CNTNAP2: variants seen among roughly 807,000 people sequenced by gnomAD.
The protein encoded by CNTNAP2 is contactin-associated protein-like 2.
Under a neutral mutation model 155.2 loss-of-function variants are expected in CNTNAP2, and 98 were observed. That is an observed-to-expected ratio of 0.63 (90% CI 0.54 to 0.75). CNTNAP2 has a LOEUF of 0.75. Among genes scored for constraint, CNTNAP2 ranks in the 30% least tolerant of loss-of-function variants. CNTNAP2 has a pLI of 0.00. For synonymous variants in CNTNAP2, 651 were observed against 631.2 expected (o/e 1.03, Z -0.47); for missense variants, 1,727 against 1,688.1 (o/e 1.02, Z -0.40).
chr7:147,163,823 A>AT (rs2116459985), intron 8 of CNTNAP2, among the ~76,000 whole-genome samples: 1 of 152,092 alleles, frequency 6.6e-6, no homozygotes, highest in Admixed American at 6.6e-5. Flanking sequence ...CCCTTTTCCC[A>AT]TTTTCTACAT....
At chr7:146,621,591 ATGAT>A (rs1405001489) in intron 1 of CNTNAP2, among the ~76,000 whole-genome samples, 1 of 152,102 alleles carries the variant, frequency 6.6e-6, no homozygotes, top group East Asian at 1.9e-4. Flanking sequence ...TGTTTTTCTC[ATGAT>A]TAGACTGGCA....
intron 13 of CNTNAP2, among the ~76,000 whole-genome samples, chr7:147,703,429 A>G (rs1796264565): frequency 6.6e-6 from 1 of 152,216 alleles, no homozygotes; most frequent in Non-Finnish European, 1.5e-5. Flanking sequence ...CATTTACTGA[A>G]AGGCAATTTC....
intron 3 of CNTNAP2, among the ~76,000 whole-genome samples, chr7:146,986,548 G>A (rs1242933918): frequency 1.3e-5 from 2 of 152,176 alleles, no homozygotes; most frequent in Non-Finnish European, 2.9e-5. Flanking sequence ...TCAAATGGTA[G>A]TTCTACTTTT....
chr7:146,389,703 C>CTTTTTTTTTTTTTTTTTTTTT (rs750823074), intron 1 of CNTNAP2, among the ~76,000 whole-genome samples: 1 of 129,018 alleles, frequency 7.8e-6, no homozygotes, highest in African/African-American at 2.9e-5. Flanking sequence ...TTTCTTTTTT[C>CTTTTTTTTTTTTTTTTTTTTT]TTTTTTTTTT....
intron 3 of CNTNAP2, among the ~76,000 whole-genome samples, chr7:147,027,533 A>G (rs1349596739): frequency 6.6e-6 from 1 of 152,258 alleles, no homozygotes; most frequent in East Asian, 1.9e-4. Flanking sequence ...TTATTATTTC[A>G]ACTTATTGAG....
intron 11 of CNTNAP2, among the ~76,000 whole-genome samples, chr7:147,527,274 C>T (rs889026582): frequency 3.9e-5 from 6 of 152,022 alleles, no homozygotes; most frequent in Admixed American, 2.6e-4. Context: ...CCGCCCACCT[C>T]GGCCTCCCAC....
intron 8 of CNTNAP2, among the ~76,000 whole-genome samples, chr7:147,247,936 A>C (rs924836280): frequency 4.6e-5 from 7 of 152,150 alleles, no homozygotes; most frequent in Admixed American, 4.6e-4. Context: ...AAAGGAAAAA[A>C]ATTTTTAAAA....
intron 1 of CNTNAP2, among the ~76,000 whole-genome samples, chr7:146,470,639 G>A (rs984462670): frequency 1.3e-5 from 2 of 151,946 alleles, no homozygotes; most frequent in African/African-American, 4.8e-5. Context: ...GCACAGTCTC[G>A]GCTCACTGCA....
chr7:147,253,714 C>A (rs978526787), intron 8 of CNTNAP2, among the ~76,000 whole-genome samples: 4 of 152,192 alleles, frequency 2.6e-5, no homozygotes, highest in Non-Finnish European at 1.5e-5. Flanking sequence ...AAGAGCCTTT[C>A]TTCCAGGCAG....
chr7:147,013,771 C>T (rs971986754), intron 3 of CNTNAP2, among the ~76,000 whole-genome samples: 4 of 152,074 alleles, frequency 2.6e-5, no homozygotes, highest in South Asian at 4.1e-4. Context: ...TTCTGCAATA[C>T]AATTTGAGGT....
intron 21 of CNTNAP2, among the ~76,000 whole-genome samples, chr7:148,332,053 G>C (rs1219768623): frequency 6.6e-6 from 1 of 151,910 alleles, no homozygotes; most frequent in East Asian, 1.9e-4. Context: ...GGTGCTGGAG[G>C]AGCTAAAGAA....
chr7:148,247,639 A>ATTT (rs1796292743), intron 20 of CNTNAP2, among the ~76,000 whole-genome samples: 1 of 128,384 alleles, frequency 7.8e-6, no homozygotes, highest in African/African-American at 3.2e-5. Context: ...TTATTTATTT[A>ATTT]TTTATTTATT....
At chr7:146,422,253 T>G (rs1796023105) in intron 1 of CNTNAP2, among the ~76,000 whole-genome samples, 1 of 151,010 alleles carries the variant, frequency 6.6e-6, no homozygotes, top group African/African-American at 2.4e-5. Context: ...CAGAAAACAT[T>G]GCAATAAATA....
chr7:146,522,070 A>G (rs1292946080), intron 1 of CNTNAP2, among the ~76,000 whole-genome samples: 1 of 151,974 alleles, frequency 6.6e-6, no homozygotes, highest in African/African-American at 2.4e-5. Context: ...TTTTTCTAAT[A>G]TTTTCTGATG....
chr7:146,858,223 G>C (rs528893755), intron 3 of CNTNAP2, among the ~76,000 whole-genome samples: 84 of 152,306 alleles, frequency 5.5e-4, no homozygotes, highest in Middle Eastern at 3.4e-3. Context: ...CTTGGAGAGA[G>C]TTGTCAGGCA....
intron 15 of CNTNAP2, among the ~76,000 whole-genome samples, chr7:148,105,532 G>A (rs1428288657): frequency 2.0e-5 from 3 of 151,978 alleles, no homozygotes; most frequent in African/African-American, 7.2e-5. Flanking sequence ...GGAACCGTTG[G>A]GATTTGATGC....
chr7:147,675,532 T>C (rs1406430358), intron 13 of CNTNAP2, among the ~76,000 whole-genome samples: 1 of 152,084 alleles, frequency 6.6e-6, no homozygotes, highest in Non-Finnish European at 1.5e-5. Context: ...AGAAGAAATT[T>C]ATTCTTTCTC....
intron 14 of CNTNAP2, among the ~76,000 whole-genome samples, chr7:147,967,223 A>G (rs1231142917): frequency 6.6e-6 from 1 of 152,218 alleles, no homozygotes; most frequent in African/African-American, 2.4e-5. Flanking sequence ...TGTAGTCCAA[A>G]TTAGTCTTCT....
chr7:146,658,622 A>C (rs1358154766), intron 1 of CNTNAP2, among the ~76,000 whole-genome samples: 5 of 152,198 alleles, frequency 3.3e-5, no homozygotes, highest in African/African-American at 9.6e-5. Context: ...TACTGGAAGT[A>C]TGTAGTCTAA....
Sources: allele counts gnomAD v4.1 joint callset (sites outside exome capture counted in the v4.1 genomes callset), GRCh38; gene constraint gnomAD v4.1.1; transcripts MANE v1.5; gene names NCBI Gene and HGNC (gene_info 2026-07-23, HGNC 2026-07-21).